OSTF1: variants seen among roughly 807,000 people sequenced by gnomAD.
The protein encoded by OSTF1 is osteoclast-stimulating factor 1.
In OSTF1, 27 loss-of-function variants were observed where a neutral mutation model predicts 37.2. The observed-to-expected ratio is 0.73, with a 90% CI of 0.54 to 1.00. The LOEUF is 1.00. Ranked by LOEUF, OSTF1 falls within the 50% of genes least tolerant of loss-of-function variation. The pLI is 0.00. For missense variants in OSTF1, 232 were observed against 253.8 expected, an observed-to-expected ratio of 0.91 and a Z score of 0.58; for synonymous variants, 82 against 89.2, an observed-to-expected ratio of 0.92 and a Z score of 0.46.
In OSTF1 at chr9:75,088,532, G is replaced by T. The variant is rs1000013149; in HGVS notation, c.-161G>T. 1.3e-5 allele frequency: 10 copies of T among 755,990 alleles called. No individual in the cohort carries two copies. The highest frequency in any genetic ancestry group is 2.2e-5 in the Non-Finnish European group (10 of 455,064). 46.8% of individuals were successfully genotyped at this position (755,990 alleles called of 1,614,324 possible). ...GCGGAGCACTCGGCGGAGCCGCTCT[G>T]CCTGCGTCCGCTCTTCCCGCAGCCA... On this transcript the variant is annotated 5_prime_UTR_variant, in exon 1 of 10. Coordinates refer to ENST00000346234, the MANE Select transcript of OSTF1 (RefSeq NM_012383.5).
chr9:75,127,357 A>G (rs761839636), intron 2 of OSTF1, among the ~76,000 whole-genome samples: 2 of 152,324 alleles, frequency 1.3e-5, no homozygotes, highest in Non-Finnish European at 2.9e-5. Flanking sequence ...GAATCTTTAT[A>G]TATGTAATTC....
intron 1 of OSTF1, among the ~76,000 whole-genome samples, chr9:75,110,122 T>C (rs1369629620): frequency 6.6e-6 from 1 of 152,180 alleles, no homozygotes; most frequent in Non-Finnish European, 1.5e-5. Context: ...TATGTTAGGG[T>C]TTGCTCTTGT....
intron 2 of OSTF1, among the ~76,000 whole-genome samples, chr9:75,125,737 G>A (rs1825651203): frequency 1.3e-5 from 2 of 152,160 alleles, no homozygotes; most frequent in Admixed American, 1.3e-4. Flanking sequence ...TGTTATTGCT[G>A]ATAATAGCCT....
intron 1 of OSTF1, among the ~76,000 whole-genome samples, chr9:75,094,461 G>A (rs758578161): frequency 6.6e-6 from 1 of 151,906 alleles, no homozygotes; most frequent in Non-Finnish European, 1.5e-5. Flanking sequence ...AGTAGCAAAG[G>A]CTGGAGGTTA....
intron 2 of OSTF1, among the ~76,000 whole-genome samples, chr9:75,117,911 T>C (rs1825517998): frequency 1.3e-5 from 2 of 152,250 alleles, no homozygotes; most frequent in Admixed American, 1.3e-4. Context: ...TAGCTCATAA[T>C]GATACCTACT....
intron 1 of OSTF1, among the ~76,000 whole-genome samples, chr9:75,092,237 C>T (rs1484554727): frequency 6.6e-6 from 1 of 152,212 alleles, no homozygotes; most frequent in Non-Finnish European, 1.5e-5. Flanking sequence ...GGAGGCTGCC[C>T]AGGGAAGTCC....
At chr9:75,131,656 G>T in intron 4 of OSTF1, 114 bp from the exon 5 acceptor site, 2 of 744,260 alleles carry the variant, frequency 2.7e-6, no homozygotes, top group Non-Finnish European at 2.4e-6. Flanking sequence ...AAAGGAAACT[G>T]TGTTGAATGC....
rs186698239 is a variant in OSTF1, at chr9:75,124,786, A to G, written c.82-2783A>G. Among the ~76,000 whole-genome samples the G allele has an allele frequency of 2.6e-3, 389 of 147,462 alleles. 1 individual carries two copies. The highest frequency in any genetic ancestry group is 4.2e-3 in the Non-Finnish European group (284 of 67,126). ...CTATTTGTTTGGTACTTTTTCATAA[A>G]GTGTTTTGTTTGTTTAAAGGGTGAG... On this transcript the variant is annotated intron_variant, in intron 2 of 9. Transcript: ENST00000346234.
intron 5 of OSTF1, among the ~76,000 whole-genome samples, chr9:75,132,157 A>C (rs1383986077): frequency 6.6e-6 from 1 of 152,198 alleles, no homozygotes; most frequent in Non-Finnish European, 1.5e-5. Context: ...TCATTAAAAT[A>C]TGGTATGATA....
At chr9:75,109,780 A>G (rs1318260231) in intron 1 of OSTF1, among the ~76,000 whole-genome samples, 2 of 152,244 alleles carry the variant, frequency 1.3e-5, no homozygotes, top group African/African-American at 2.4e-5. Context: ...GTAACAATGA[A>G]TTAATGCTAC....
chr9:75,142,459 T>C (rs1167674698), intron 9 of OSTF1, among the ~76,000 whole-genome samples: 3 of 152,166 alleles, frequency 2.0e-5, no homozygotes, highest in African/African-American at 7.2e-5. Flanking sequence ...GTAAGGCTTC[T>C]TATGACCTGA....
At position 75,146,566 on chromosome 9, in the gene OSTF1, A is replaced by G. The variant is rs142490277; in HGVS notation, c.587-117A>G. Reference sequence around the variant, plus strand: ...AGAGAAAGATCCTCAGGGAAAGTACAATCCCTGGGTCAGATGGAAGATTCT... The same window carrying G: ...AGAGAAAGATCCTCAGGGAAAGTACGATCCCTGGGTCAGATGGAAGATTCT... On this transcript the variant is annotated intron_variant, in intron 9 of 9. Coordinates refer to ENST00000346234, the MANE Select transcript of OSTF1 (RefSeq NM_012383.5). 7.4e-4 allele frequency: 538 copies of G among 723,234 alleles called. 2 individuals carry two copies. Among genetic ancestry groups the G allele is most frequent in the African/African-American group, 6.9e-3 (381 of 55,268 alleles). The allele number at this position is 723,234 out of a possible 1,614,324, so 44.8% of individuals were successfully genotyped here.
chr9:75,104,396 A>T (rs1448519125), intron 1 of OSTF1, among the ~76,000 whole-genome samples: 1 of 152,084 alleles, frequency 6.6e-6, no homozygotes, highest in African/African-American at 2.4e-5. Flanking sequence ...ATTTTTGAAA[A>T]GTTAGCCGGG....
At chr9:75,104,300 T>G (rs1003453267) in intron 1 of OSTF1, among the ~76,000 whole-genome samples, 4 of 152,032 alleles carry the variant, frequency 2.6e-5, no homozygotes, top group African/African-American at 9.7e-5. Context: ...ATCCCAGGGC[T>G]TTGGAAGGAC....
chr9:75,117,542 C>T lies in OSTF1; in HGVS notation c.73C>T (p.Pro25Ser), dbSNP rs1825511833. Residue 25 changes from proline to serine, a missense_variant, in exon 2 of 10, where the codon CCC (proline) becomes TCC (serine). Physicochemically the swap from Pro to Ser is moderately conservative, Grantham distance 74. Transcript: ENST00000346234. ...CTTCAGAGCCCTGTATACGTTTGAA[C>T]CCAGAACTGTAAGTGTTCAGTTTTT... ...KVFRALYTFE[P>S]RTPDELYFEE... The T allele has an allele frequency of 1.2e-6, 2 of 1,607,480 alleles. No individual in the cohort carries two copies. Among genetic ancestry groups the T allele is most frequent in the Non-Finnish European group, 1.7e-6 (2 of 1,174,886 alleles).
rs538893543 is a variant in OSTF1 at position 75,099,137 on chromosome 9, C to T, written c.34+10411C>T. 3.9e-5 allele frequency among the ~76,000 whole-genome samples: 6 copies of T among 152,246 alleles called. No homozygotes were observed. The East Asian group carries it at 1.2e-3, about 29-fold the overall frequency. On this transcript the variant is annotated intron_variant, in intron 1 of 9. Transcript: ENST00000346234. ...ATTTATAGTAGAAATGGGGTTTCAT[C>T]ATGTTGGCCAGGCTGGTCTCGAACT...
At chr9:75,144,647 C>A (rs533452413) in intron 9 of OSTF1, among the ~76,000 whole-genome samples, 34 of 152,018 alleles carry the variant, frequency 2.2e-4, no homozygotes, top group Non-Finnish European at 3.7e-4. Flanking sequence ...TTCTTCTTTT[C>A]TTTTTCTCAA....
At chr9:75,141,312 C>CAAAAAAAAAAAAAAAAAAAAAAA (rs529293090) in intron 9 of OSTF1, among the ~76,000 whole-genome samples, 13 of 71,678 alleles carry the variant, frequency 1.8e-4, no homozygotes, top group East Asian at 1.1e-3. Context: ...AAAAGAAAAC[C>CAAAAAAAAAAAAAAAAAAAAAAA]AAAAAAAAAA....
At chr9:75,091,358 G>T (rs1209613624) in intron 1 of OSTF1, among the ~76,000 whole-genome samples, 1 of 151,998 alleles carries the variant, frequency 6.6e-6, no homozygotes, top group African/African-American at 2.4e-5. Flanking sequence ...CACTGTGCCT[G>T]GCCAAAGTCT....
Sources: gnomAD v4.1 joint callset for allele counts (sites outside exome capture counted in the v4.1 genomes callset) on GRCh38, gnomAD v4.1.1 for gene constraint, MANE v1.5 for transcripts, NCBI Gene and HGNC (gene_info 2026-07-23, HGNC 2026-07-21) for gene names.